PXDNL: variants seen among roughly 807,000 people sequenced by gnomAD.
PXDNL encodes probable oxidoreductase PXDNL.
Under a neutral mutation model 150.8 loss-of-function variants are expected in PXDNL, and 145 were observed. The ratio of observed to expected loss-of-function variants is 0.96; its 90% CI spans 0.84 to 1.10. The LOEUF is 1.10. PXDNL is among the 50% of genes least tolerant of loss of function. The probability of loss-of-function intolerance (pLI) is 0.00; values close to 1 mark genes in which losing one functional copy is unlikely to be tolerated. For missense variants in PXDNL, 2,087 were observed against 1,873.9 expected (o/e 1.11, Z -2.10); for synonymous variants, 757 against 725.7 (o/e 1.04, Z -0.69).
At chr8:51,552,235 G>T (rs191559508) in intron 4 of PXDNL, among the ~76,000 whole-genome samples, 46 of 151,966 alleles carry the variant, frequency 3.0e-4, no homozygotes, top group Non-Finnish European at 1.3e-4. Context: ...TGCTGGTGGG[G>T]CAACCACTAA....
chr8:51,724,638 T>C (rs949406578), intron 1 of PXDNL, among the ~76,000 whole-genome samples: 16 of 152,200 alleles, frequency 1.1e-4, no homozygotes, highest in African/African-American at 3.1e-4. Flanking sequence ...TAAAATGCCA[T>C]GGACACTACT....
chr8:51,642,646 C>G (rs981491967), intron 2 of PXDNL, among the ~76,000 whole-genome samples: 87 of 152,138 alleles, frequency 5.7e-4, no homozygotes, highest in African/African-American at 2.0e-3. Context: ...CAGGGATGCC[C>G]TCACTCACCA....
chr8:51,571,136 T>C (rs1812932286), intron 3 of PXDNL, among the ~76,000 whole-genome samples: 1 of 151,776 alleles, frequency 6.6e-6, no homozygotes, highest in South Asian at 2.1e-4. Flanking sequence ...ACAGTAAAAT[T>C]CTATCTATTA....
chr8:51,600,294 T>TAAATTACATCGTTTAGATA (rs1813672371), intron 2 of PXDNL, among the ~76,000 whole-genome samples: 1 of 99,574 alleles, frequency 1.0e-5, no homozygotes, highest in African/African-American at 4.2e-5. Context: ...TTATATCTTA[T>TAAATTACATCGTTTAGATA]ATAAATTATA....
chr8:51,706,215 G>T (rs10100801), intron 1 of PXDNL, among the ~76,000 whole-genome samples: 1,595 of 152,240 alleles, frequency 0.01, 23 homozygotes, highest in African/African-American at 0.032. Context: ...GGAGACTGAG[G>T]CATGAAAATT....
chr8:51,374,695 G>C lies in PXDNL; in HGVS notation c.3594C>G (p.Pro1198=). 8 of 1,613,814 alleles carry C rather than the reference G, an allele frequency of 5.0e-6. No homozygotes were observed. The highest frequency in any genetic ancestry group is 6.8e-6 in the Non-Finnish European group (8 of 1,179,840). The change falls in exon 18 of 23, where the codon CCC becomes CCG. Residue 1198 remains proline, a synonymous_variant. Coordinates refer to ENST00000356297, the MANE Select transcript of PXDNL (RefSeq NM_144651.5). ...GAATCAGGTCTTCAACCATAAGGGCGGGCCAGAGGTCAATGTCACCTGGAG... is the reference window on the plus strand; with the variant it reads ...GAATCAGGTCTTCAACCATAAGGGCCGGCCAGAGGTCAATGTCACCTGGAG... ...YGSPGDIDLW[P]ALMVEDLIPG...
chr8:51,463,834 C>T (rs1810137679), intron 8 of PXDNL, among the ~76,000 whole-genome samples: 1 of 151,996 alleles, frequency 6.6e-6, no homozygotes, highest in South Asian at 2.1e-4. Context: ...CAACTTAATC[C>T]TGAATGACTT....
At chr8:51,442,525 G>A (rs1312172037) in intron 12 of PXDNL, among the ~76,000 whole-genome samples, 7 of 151,882 alleles carry the variant, frequency 4.6e-5, no homozygotes, top group Non-Finnish European at 7.4e-5. Flanking sequence ...TCATGTTAAA[G>A]AAATATCTAT....
Position 51,408,789 on chromosome 8 carries a change from C to G in PXDNL, c.2835G>C (p.Ala945=), listed in dbSNP as rs533962228. Residue 945 remains alanine, a synonymous_variant, in exon 17 of 23, where the codon GCG becomes GCC. Coordinates refer to ENST00000356297, the MANE Select transcript of PXDNL (RefSeq NM_144651.5). ...AACAGGGGCTCTCCTGCTCCTGTCGCGCGCACTCGGTGGGTGGGCCTGTAG... is the reference window on the plus strand; with the variant it reads ...AACAGGGGCTCTCCTGCTCCTGTCGGGCGCACTCGGTGGGTGGGCCTGTAG... ...PFSTGPPTEC[A]RQEQESPCFL... The G allele has an allele frequency of 3.8e-6, 6 of 1,573,186 alleles. No homozygotes were observed. The highest frequency in any genetic ancestry group is 5.2e-6 in the Non-Finnish European group (6 of 1,160,410).
At chr8:51,427,218 T>C (rs895765861) in intron 12 of PXDNL, among the ~76,000 whole-genome samples, 2 of 152,206 alleles carry the variant, frequency 1.3e-5, no homozygotes, top group Admixed American at 6.5e-5. Context: ...GAGATAGCTC[T>C]GTAACTATTA....
chr8:51,345,979 A>G (rs760138222), intron 19 of PXDNL, 32 bp from the exon 20 acceptor site: 3 of 1,276,862 alleles, frequency 2.3e-6, no homozygotes, highest in Non-Finnish European at 3.4e-6. Context: ...CAATAGCATC[A>G]TGTGAGATGC....
intron 4 of PXDNL, among the ~76,000 whole-genome samples, chr8:51,554,568 A>G (rs1267472797): frequency 4.0e-4 from 61 of 152,174 alleles, no homozygotes; most frequent in Admixed American, 3.9e-3. Flanking sequence ...TACTCTAGGC[A>G]TTTAATAGAA....
intron 1 of PXDNL, among the ~76,000 whole-genome samples, chr8:51,770,162 C>T (rs141714885): frequency 1.8e-3 from 267 of 152,330 alleles, no homozygotes; most frequent in African/African-American, 5.7e-3. Context: ...TCCAAGGAGA[C>T]AGATTTGAGA....
At chr8:51,520,874 A>G (rs1811647821) in intron 4 of PXDNL, among the ~76,000 whole-genome samples, 2 of 152,186 alleles carry the variant, frequency 1.3e-5, no homozygotes, top group Admixed American at 1.3e-4. Flanking sequence ...CAATCACCAG[A>G]ACCAGACCCA....
At position 51,642,673 on chromosome 8, in the gene PXDNL, C is replaced by T. The variant is rs533111209; in HGVS notation, c.236+12016G>A. ...CACTCACCACTCCTATTCAACATAG[C>T]GTTGGAAGTTCTGGCCAGGGCAATC... On this transcript the variant is annotated intron_variant, in intron 2 of 22. Transcript: ENST00000356297. Among the ~76,000 whole-genome samples the T allele has an allele frequency of 2.3e-4, 35 of 152,190 alleles. 1 individual carries two copies. The East Asian group carries it at 4.8e-3, about 21-fold the overall frequency.
chr8:51,581,151 TG>T (rs1813202771), intron 3 of PXDNL, among the ~76,000 whole-genome samples: 1 of 152,090 alleles, frequency 6.6e-6, no homozygotes, highest in African/African-American at 2.4e-5. Context: ...CTTGTAGCCT[TG>T]GATCATTCTG....
intron 2 of PXDNL, among the ~76,000 whole-genome samples, chr8:51,610,864 C>T (rs747179080): frequency 1.3e-5 from 2 of 152,216 alleles, no homozygotes; most frequent in Non-Finnish European, 2.9e-5. Flanking sequence ...AAGAGCCCAT[C>T]TGGTTAGGCC....
chr8:51,729,456 A>G (rs1237545008), intron 1 of PXDNL, among the ~76,000 whole-genome samples: 1 of 152,218 alleles, frequency 6.6e-6, no homozygotes, highest in Non-Finnish European at 1.5e-5. Context: ...ATACCACTAC[A>G]CAATCATTTA....
rs571143516 is a variant in PXDNL, at chr8:51,430,915, C to T, written c.1526-4157G>A. Among the ~76,000 whole-genome samples the T allele has an allele frequency of 2.0e-5, 3 of 152,262 alleles. No homozygotes were observed. In the South Asian group the frequency reaches 6.2e-4, roughly 32 times the overall value. The stretch of plus-strand genomic sequence containing the variant: ...CAATTCAGATCCTATTTCACATCAA[C>T]AGCAACGAATTTCAAGCATTTACTT... On this transcript the variant is annotated intron_variant, in intron 12 of 22. Coordinates refer to ENST00000356297, the MANE Select transcript of PXDNL (RefSeq NM_144651.5).
Sources: allele counts gnomAD v4.1 joint callset (sites outside exome capture counted in the v4.1 genomes callset), GRCh38; gene constraint gnomAD v4.1.1; transcripts MANE v1.5; gene names NCBI Gene and HGNC (gene_info 2026-07-23, HGNC 2026-07-21).